PDE4DIP: variants seen among roughly 807,000 people sequenced by gnomAD.
PDE4DIP encodes myomegalin.
In PDE4DIP, 59 loss-of-function variants were observed where a neutral mutation model predicts 221.4. The ratio of observed to expected loss-of-function variants is 0.27; its 90% CI spans 0.22 to 0.33. PDE4DIP has a LOEUF of 0.33. Ranked by LOEUF, PDE4DIP falls within the 10% of genes least tolerant of loss-of-function variation. PDE4DIP has a pLI of 1.00. For synonymous variants in PDE4DIP, 404 were observed against 815.9 expected (o/e 0.50, Z 8.60); for missense variants, 1,036 against 2,154.2 (o/e 0.48, Z 10.28).
chr1:148,944,720 A>C (rs1220843669), intron 5 of PDE4DIP, among the ~76,000 whole-genome samples: 4 of 150,332 alleles, frequency 2.7e-5, no homozygotes, highest in Non-Finnish European at 5.9e-5. Context: ...AGAATACAAA[A>C]ATTAGCCAGG....
At chr1:148,915,165 T>A (rs1553457328) in intron 1 of PDE4DIP, among the ~76,000 whole-genome samples, 1 of 151,306 alleles carries the variant, frequency 6.6e-6, no homozygotes, top group African/African-American at 2.4e-5. Context: ...TTTGTTTGTT[T>A]GAGACAGAGT....
intron 1 of PDE4DIP, among the ~76,000 whole-genome samples, chr1:148,821,093 C>T (rs1395749706): frequency 1.3e-5 from 2 of 149,404 alleles, no homozygotes; most frequent in African/African-American, 5.0e-5. Flanking sequence ...CCTCGTGATC[C>T]GCCCGCCTCG....
At chr1:148,951,630 G>T (rs1553488514) in intron 5 of PDE4DIP, among the ~76,000 whole-genome samples, 1 of 151,314 alleles carries the variant, frequency 6.6e-6, no homozygotes, top group African/African-American at 2.4e-5. Flanking sequence ...GACTTCAATG[G>T]TGGTAATCTA....
At chr1:148,830,470 A>C (rs1671710981) in intron 1 of PDE4DIP, among the ~76,000 whole-genome samples, 1 of 91,474 alleles carries the variant, frequency 1.1e-5, no homozygotes, top group Admixed American at 1.1e-4. Context: ...GTACATGTGC[A>C]CAACATGCAG....
chr1:148,936,718 T>G (rs367600827), intron 4 of PDE4DIP, among the ~76,000 whole-genome samples: 1 of 152,236 alleles, frequency 6.6e-6, no homozygotes, highest in Non-Finnish European at 1.5e-5. Flanking sequence ...TTTAATTTTT[T>G]TTTTTTACTT....
intron 5 of PDE4DIP, among the ~76,000 whole-genome samples, chr1:148,950,813 A>G (rs1373426795): frequency 6.8e-6 from 1 of 147,100 alleles, no homozygotes; most frequent in Non-Finnish European, 1.5e-5. Flanking sequence ...ATTCAACATG[A>G]GATTTGGTGG....
At chr1:148,893,107 A>AT (rs11287659) in intron 1 of PDE4DIP, among the ~76,000 whole-genome samples, 47 of 58,266 alleles carry the variant, frequency 8.1e-4, no homozygotes, top group Non-Finnish European at 9.8e-4. Context: ...GTGTGTATGT[A>AT]TTTTTTTTTT....
chr1:148,984,030 G>C (rs2061511956), intron 21 of PDE4DIP: 1 of 152,042 alleles, frequency 6.6e-6, no homozygotes, highest in Admixed American at 6.6e-5. Flanking sequence ...TATTTAATGA[G>C]TGAAATAAAT....
chr1:148,981,564 T>A, intron 21 of PDE4DIP, 167 bp downstream of exon 24: 1 of 716,194 alleles, frequency 1.4e-6, no homozygotes, highest in Non-Finnish European at 2.4e-6. Flanking sequence ...CTGGTACAAG[T>A]AGCATCAACT....
At chr1:148,929,849 T>A (rs587655459) in intron 2 of PDE4DIP, 83 of 152,882 alleles carry the variant, frequency 5.4e-4, no homozygotes, top group African/African-American at 1.9e-3. Context: ...GGCAAAAAAC[T>A]AGAAACAATT....
rs587764163 is a variant in PDE4DIP, at chr1:149,005,471, T to A, written c.4415+34T>A. The A allele has an allele frequency of 2.9e-6, 4 of 1,376,416 alleles. No homozygotes were observed. The African/African-American group carries it at 4.3e-5, about 15-fold the overall frequency. 85.3% of individuals were successfully genotyped at this position (1,376,416 alleles called of 1,614,324 possible). A position where few individuals can be genotyped will look rare whatever the true frequency, so the allele number is the denominator to read the frequency against. ...GGCACTGTTTGGGTACTTTCTTGAT[T>A]GAAAATGTGTAAGTTCATGCTTGGC... is the stretch of plus-strand genomic sequence containing the variant. On this transcript the variant is annotated intron_variant, in intron 27 of 43. Transcript: ENST00000369354.
Position 148,964,171 on chromosome 1 carries a change from A to G in PDE4DIP, c.1195-1313A>G, listed in dbSNP as rs372837399. ...GTTGCCCAGGCTGGAGTGCAACGAC[A>G]CAATCTCGGCTCACTGCAACCTCCA... On this transcript the variant is annotated intron_variant, in intron 9 of 43. Coordinates refer to ENST00000369354, the Ensembl canonical transcript of PDE4DIP. Among the ~76,000 whole-genome samples the G allele has an allele frequency of 3.4e-5, 5 of 146,470 alleles. No homozygotes were observed. In the South Asian group the frequency reaches 8.7e-4, roughly 26 times the overall value.
intron 5 of PDE4DIP, chr1:148,953,391 C>T (rs1176851016): frequency 6.2e-7 from 1 of 1,614,122 alleles, no homozygotes; most frequent in African/African-American, 1.3e-5. Context: ...AGGTGGTCGA[C>T]CAGCATTTGC....
At chr1:148,952,343 ACG>A (rs1242571393) in intron 5 of PDE4DIP, 4 of 1,050,196 alleles carry the variant, frequency 3.8e-6, no homozygotes, top group Non-Finnish European at 4.6e-6. Flanking sequence ...GAGGCCGCAG[ACG>A]CGAAGCCGCT....
chr1:149,031,432 T>C (rs1231400674), intron 43 of PDE4DIP, among the ~76,000 whole-genome samples: 7 of 151,906 alleles, frequency 4.6e-5, no homozygotes, highest in Admixed American at 1.3e-4. Context: ...TGCACCCTCA[T>C]CTGTCAAAGA....
chr1:149,020,873 G>A (rs587651821), intron 36 of PDE4DIP, 156 bp from the exon 40 acceptor site: 6,857 of 578,226 alleles, frequency 0.012, 67 homozygotes, highest in African/African-American at 0.041. Flanking sequence ...AAAAGTGATA[G>A]TCTTCATGAC....
chr1:148,982,962 G>C (rs2061353634), intron 21 of PDE4DIP: 1 of 152,050 alleles, frequency 6.6e-6, no homozygotes, highest in Admixed American at 6.6e-5. Flanking sequence ...AAGCACTCTG[G>C]AATCTTCTGA....
At chr1:148,987,105 A>G (rs1220422515) in intron 21 of PDE4DIP, among the ~76,000 whole-genome samples, 8 of 152,206 alleles carry the variant, frequency 5.3e-5, no homozygotes, top group African/African-American at 1.9e-4. Flanking sequence ...TTTTCAAGTA[A>G]CTTAAAACAG....
At chr1:149,030,736 A>G (rs1553636331) in intron 43 of PDE4DIP, 1 of 985,224 alleles carries the variant, frequency 1.0e-6, no homozygotes, top group East Asian at 1.1e-4. Context: ...CGGGTTAAGA[A>G]CAGCAATTTG....
Sources: gnomAD v4.1 joint callset for allele counts (sites outside exome capture counted in the v4.1 genomes callset) on GRCh38, gnomAD v4.1.1 for gene constraint, MANE v1.5 for transcripts, NCBI Gene and HGNC (gene_info 2026-07-23, HGNC 2026-07-21) for gene names.